The following PTBP3 variants were observed in gnomAD, a reference collection of about 807,000 sequenced individuals.
PTBP3 encodes polypyrimidine tract binding protein 3, also known as polypyrimidine tract-binding protein 3.
PTBP3 carries 20 observed loss-of-function variants against 58.7 expected under a neutral mutation model. That is an observed-to-expected ratio of 0.34 (90% CI 0.24 to 0.50). PTBP3 has a LOEUF of 0.50. Ranked by LOEUF, PTBP3 falls within the 20% of genes least tolerant of loss-of-function variation. PTBP3 has a pLI of 0.98. For missense variants in PTBP3, 509 were observed against 637.2 expected (o/e 0.80, Z 2.17); for synonymous variants, 185 against 219.8 (o/e 0.84, Z 1.40).
chr9:112,224,976 C>T (rs1160602387), intron 12 of PTBP3, among the ~76,000 whole-genome samples: 1 of 152,196 alleles, frequency 6.6e-6, no homozygotes, highest in Non-Finnish European at 1.5e-5. Context: ...CCTTGCCTTG[C>T]ATCGTGATTA....
intron 5 of PTBP3, among the ~76,000 whole-genome samples, chr9:112,257,940 CAAAAAAAA>C (rs56934009): frequency 2.5e-5 from 3 of 119,358 alleles, no homozygotes; most frequent in African/African-American, 2.7e-5. Context: ...GACTCCATCT[CAAAAAAAA>C]AAAAAAAAAA....
chr9:112,332,656 C>T, intron 1 of PTBP3: 2 of 1,148,298 alleles, frequency 1.7e-6, no homozygotes, highest in Non-Finnish European at 2.4e-6. Context: ...ACCCCATATC[C>T]CTGAGTCCCC....
intron 1 of PTBP3, among the ~76,000 whole-genome samples, chr9:112,312,367 C>T (rs752535477): frequency 6.6e-6 from 1 of 151,894 alleles, no homozygotes; most frequent in Non-Finnish European, 1.5e-5. Flanking sequence ...CGTGGTGGTG[C>T]ATGCCTGTGG....
At chr9:112,376,455 C>T in the PTBP3 span, among the ~76,000 whole-genome samples, 3 of 151,646 alleles carry the variant, frequency 2.0e-5, no homozygotes, top group East Asian at 1.9e-4. Context: ...GGTTTCACCA[C>T]GTTGGCCAGG....
Position 112,293,321 on chromosome 9 carries a change from T to C in PTBP3, c.34+4511A>G, listed in dbSNP as rs1040115220. On this transcript the variant is annotated intron_variant, in intron 2 of 13. Transcript: ENST00000374257. ...GGATGCTGATTATATGGTATATGTA[T>C]GTCATAATGTTATGGTAACAGTAAT... Among the ~76,000 whole-genome samples the C allele has an allele frequency of 2.0e-5, 3 of 152,182 alleles. No homozygotes were observed. In the South Asian group the frequency reaches 6.2e-4, roughly 31 times the overall value.
At chr9:112,260,543 G>A (rs191234593) in intron 5 of PTBP3, among the ~76,000 whole-genome samples, 1 of 152,212 alleles carries the variant, frequency 6.6e-6, no homozygotes, top group African/African-American at 2.4e-5. Flanking sequence ...CAATGATGTC[G>A]ATCCTGCCAG....
At chr9:112,360,549 A>AT in the PTBP3 span, among the ~76,000 whole-genome samples, 29 of 152,252 alleles carry the variant, frequency 1.9e-4, no homozygotes, top group Non-Finnish European at 3.5e-4. Flanking sequence ...GGAAATGGAA[A>AT]TTTTTAAGAG....
chr9:112,222,467 A>G lies in PTBP3; in HGVS notation c.*1384T>C. 1 of 985,550 alleles carries G rather than the reference A, an allele frequency of 1.0e-6. No individual in the cohort carries two copies. The highest frequency in any genetic ancestry group is 1.2e-6 in the Non-Finnish European group (1 of 829,912). The allele number at this position is 985,550 out of a possible 1,614,324, so 61.1% of individuals were successfully genotyped here. A position where few individuals can be genotyped will look rare whatever the true frequency, so the allele number is the denominator to read the frequency against. ...CCAAGTAATCCTGAGACAAATTCTGATGGGTGAAAAAGATGAAACTGAGAT... is the reference window on the plus strand; with the variant it reads ...CCAAGTAATCCTGAGACAAATTCTGGTGGGTGAAAAAGATGAAACTGAGAT... On this transcript the variant is annotated 3_prime_UTR_variant, in exon 14 of 14. Transcript: ENST00000374257.
intron 2 of PTBP3, among the ~76,000 whole-genome samples, chr9:112,286,509 C>G (rs1285460189): frequency 6.6e-6 from 1 of 151,984 alleles, no homozygotes; most frequent in Non-Finnish European, 1.5e-5. Context: ...TAATTTATCA[C>G]AGAGTACCTT....
intron 1 of PTBP3, among the ~76,000 whole-genome samples, chr9:112,330,808 T>C (rs1351527252): frequency 2.0e-5 from 3 of 152,210 alleles, no homozygotes; most frequent in Non-Finnish European, 4.4e-5. Flanking sequence ...TCACCAAAGT[T>C]TGTTCTTTTA....
chr9:112,332,718 C>A, intron 1 of PTBP3: 1 of 1,579,846 alleles, frequency 6.3e-7, no homozygotes, highest in Non-Finnish European at 8.6e-7. Flanking sequence ...TGGTCACGGA[C>A]CCCCATTAAA....
intron 1 of PTBP3, among the ~76,000 whole-genome samples, chr9:112,315,049 T>A (rs1829647896): frequency 3.9e-5 from 6 of 152,084 alleles, no homozygotes; most frequent in Admixed American, 3.9e-4. Flanking sequence ...GCCAGGATGG[T>A]CTCGATCTCC....
At chr9:112,250,864 G>C in intron 7 of PTBP3, 65 bp downstream of exon 7, 1 of 1,395,156 alleles carries the variant, frequency 7.2e-7, no homozygotes, top group Non-Finnish European at 9.5e-7. Context: ...AAACATACAT[G>C]GCTTAATAAA....
At chr9:112,364,771 A>C in the PTBP3 span, among the ~76,000 whole-genome samples, 1 of 152,238 alleles carries the variant, frequency 6.6e-6, no homozygotes, top group South Asian at 2.1e-4. Flanking sequence ...AGAAATATTC[A>C]ATTTGTAAAA....
the PTBP3 span, among the ~76,000 whole-genome samples, chr9:112,355,053 TA>T: frequency 6.6e-6 from 1 of 152,148 alleles, no homozygotes; most frequent in East Asian, 1.9e-4. Flanking sequence ...TAGGTGGAAA[TA>T]TCTCCAAGGG....
intron 2 of PTBP3, among the ~76,000 whole-genome samples, chr9:112,295,132 C>CA (rs1828612623): frequency 6.6e-6 from 1 of 151,434 alleles, no homozygotes; most frequent in South Asian, 2.1e-4. Context: ...CCCAGGTACT[C>CA]AGAGGCCGAG....
At chr9:112,322,147 A>AAG (rs1829979300) in intron 1 of PTBP3, among the ~76,000 whole-genome samples, 1 of 150,962 alleles carries the variant, frequency 6.6e-6, no homozygotes, top group Non-Finnish European at 1.5e-5. Context: ...AAAAAAAAAA[A>AAG]AAAAAAAAAG....
chr9:112,316,271 T>G (rs1209077967), intron 1 of PTBP3, among the ~76,000 whole-genome samples: 1 of 152,196 alleles, frequency 6.6e-6, no homozygotes. Context: ...CTGAACAGAA[T>G]ACAGCAAAAA....
At chr9:112,296,020 C>T (rs75833234) in intron 2 of PTBP3, among the ~76,000 whole-genome samples, 549 of 152,330 alleles carry the variant, frequency 3.6e-3, no homozygotes, top group Middle Eastern at 6.8e-3. Flanking sequence ...CGTTGTGAGA[C>T]TGTTTTGCAA....
Sources: gnomAD v4.1 joint callset for allele counts (sites outside exome capture counted in the v4.1 genomes callset) on GRCh38, gnomAD v4.1.1 for gene constraint, MANE v1.5 for transcripts, NCBI Gene and HGNC (gene_info 2026-07-23, HGNC 2026-07-21) for gene names.